The following ARFGEF1 variants were observed in gnomAD, a reference collection of about 807,000 sequenced individuals.
ARFGEF1 encodes the protein brefeldin A-inhibited guanine nucleotide-exchange protein 1.
In ARFGEF1, 42 loss-of-function variants were observed where a neutral mutation model predicts 231.0. That is an observed-to-expected ratio of 0.18 (90% CI 0.14 to 0.24). The LOEUF is 0.24. Among genes scored for constraint, ARFGEF1 ranks in the 10% least tolerant of loss-of-function variants. The probability of loss-of-function intolerance (pLI) is 1.00; values close to 1 mark genes in which losing one functional copy is unlikely to be tolerated. For missense variants in ARFGEF1, 1,345 were observed against 2,192.0 expected, an observed-to-expected ratio of 0.61 and a Z score of 7.72; for synonymous variants, 710 against 732.3, an observed-to-expected ratio of 0.97 and a Z score of 0.49.
chr8:67,258,407 C>T (rs925489071), intron 15 of ARFGEF1, 117 bp from the exon 16 acceptor site: 37 of 679,326 alleles, frequency 5.4e-5, no homozygotes, highest in African/African-American at 1.6e-4. Flanking sequence ...CTCACTGCAA[C>T]CTCTGCCCCC....
At position 67,298,473 on chromosome 8, in the gene ARFGEF1, T is replaced by C. The variant is rs1387627831; in HGVS notation, c.459+736A>G. On this transcript the variant is annotated intron_variant, in intron 4 of 38. Transcript: ENST00000262215. Reference sequence around the variant, plus strand: ...GATATCAGGAGAATTGGCGGATAAGTAGTGTCCACCTGGTAATTTGTGAGT... The same window carrying C: ...GATATCAGGAGAATTGGCGGATAAGCAGTGTCCACCTGGTAATTTGTGAGT... Among the ~76,000 whole-genome samples the C allele has an allele frequency of 2.0e-5, 3 of 152,290 alleles. No individual in the cohort carries two copies. In the South Asian group the frequency reaches 6.2e-4, roughly 32 times the overall value.
intron 9 of ARFGEF1, among the ~76,000 whole-genome samples, chr8:67,272,312 A>AC (rs527773459): frequency 1.3e-5 from 2 of 151,928 alleles, no homozygotes; most frequent in Admixed American, 6.6e-5. Context: ...GACTACAGGC[A>AC]CCCACCACCA....
In ARFGEF1 at chr8:67,236,065, C is replaced by T. The variant is rs141209588; in HGVS notation, c.3289+2278G>A. 9.7e-3 allele frequency among the ~76,000 whole-genome samples: 1,475 copies of T among 151,604 alleles called. 12 individuals carry two copies. Among genetic ancestry groups the T allele is most frequent in the Non-Finnish European group, 0.015 (1,024 of 67,882 alleles). On this transcript the variant is annotated intron_variant, in intron 22 of 38. Transcript: ENST00000262215. Reference sequence around the variant, plus strand: ...ATCCCAGCACTTTGGGACGCCAAGGCGGGCAGATCACATGAGGTCAGGAGT... The same window carrying T: ...ATCCCAGCACTTTGGGACGCCAAGGTGGGCAGATCACATGAGGTCAGGAGT...
At chr8:67,220,207 G>C (rs1474374294) in intron 29 of ARFGEF1, among the ~76,000 whole-genome samples, 2 of 152,190 alleles carry the variant, frequency 1.3e-5, no homozygotes, top group East Asian at 1.9e-4. Flanking sequence ...TGTTAAAACT[G>C]AAACTCAAAA....
intron 1 of ARFGEF1, among the ~76,000 whole-genome samples, chr8:67,331,816 TGTC>T (rs1317164579): frequency 1.3e-5 from 2 of 152,172 alleles, no homozygotes; most frequent in African/African-American, 4.8e-5. Context: ...TTCTCTGTCT[TGTC>T]CTCCTCAGTG....
At chr8:67,287,748 C>A (rs1028763416) in intron 7 of ARFGEF1, among the ~76,000 whole-genome samples, 4 of 152,172 alleles carry the variant, frequency 2.6e-5, no homozygotes, top group Non-Finnish European at 5.9e-5. Context: ...TAGTTCTGGT[C>A]ATTTCATTTC....
downstream of ARFGEF1, chr8:67,197,604 T>C: frequency 1.0e-6 from 1 of 984,100 alleles, no homozygotes; most frequent in Non-Finnish European, 1.2e-6. Context: ...TTTTCCATAG[T>C]TGTTCAGCCT....
At chr8:67,196,407 T>TAATC (rs906661111), downstream of ARFGEF1, 2 of 152,214 alleles carry the variant, frequency 1.3e-5, no homozygotes, top group South Asian at 2.1e-4. Flanking sequence ...GTGAGTTTTC[T>TAATC]AATCACTCAG....
chr8:67,195,903 G>A (rs1837847018), downstream of ARFGEF1: 4 of 253,312 alleles, frequency 1.6e-5, no homozygotes, highest in Non-Finnish European at 3.1e-5. Context: ...AGGTGAATAA[G>A]TGTCTTAAAC....
chr8:67,209,099 A>G (rs1025073175), intron 34 of ARFGEF1, among the ~76,000 whole-genome samples: 11 of 152,256 alleles, frequency 7.2e-5, no homozygotes, highest in African/African-American at 2.7e-4. Flanking sequence ...TAGATAATGC[A>G]AAAGAACTGA....
intron 15 of ARFGEF1, 137 bp from the exon 16 acceptor site, chr8:67,258,427 C>A (rs553114916): frequency 1.2e-5 from 7 of 605,048 alleles, no homozygotes; most frequent in East Asian, 3.0e-5. Context: ...CAGGTTCAAG[C>A]GATTCTCCTG....
At chr8:67,255,194 A>C (rs907892110) in intron 17 of ARFGEF1, among the ~76,000 whole-genome samples, 3 of 152,094 alleles carry the variant, frequency 2.0e-5, no homozygotes, top group Non-Finnish European at 4.4e-5. Flanking sequence ...CCCCAAAATA[A>C]GTGCACTGCT....
intron 5 of ARFGEF1, among the ~76,000 whole-genome samples, chr8:67,176,477 T>A (rs1291662467): frequency 1.3e-5 from 2 of 152,136 alleles, no homozygotes; most frequent in Non-Finnish European, 2.9e-5. Context: ...ACAGAATTTT[T>A]AATAACAGCC....
chr8:67,302,994 T>C (rs916501379), intron 1 of ARFGEF1, among the ~76,000 whole-genome samples: 1 of 149,630 alleles, frequency 6.7e-6, no homozygotes, highest in Non-Finnish European at 1.5e-5. Context: ...GGGCAGGGGG[T>C]TGAGGTGGGA....
In ARFGEF1 at chr8:67,340,000, T is replaced by C. The variant is rs574097939; in HGVS notation, c.124+3164A>G. On this transcript the variant is annotated intron_variant, in intron 1 of 38. Coordinates refer to ENST00000262215, the MANE Select transcript of ARFGEF1 (RefSeq NM_006421.5). ...TTCCCCTAATCTACATGCTGTTTCA[T>C]AAGTTATACTTTTTGACAAAAAAAA... 2.4e-4 allele frequency among the ~76,000 whole-genome samples: 37 copies of C among 151,984 alleles called. No individual in the cohort carries two copies. In the South Asian group the frequency reaches 7.1e-3, roughly 29 times the overall value.
At chr8:67,311,287 G>T (rs1807030448) in intron 1 of ARFGEF1, among the ~76,000 whole-genome samples, 1 of 127,582 alleles carries the variant, frequency 7.8e-6, no homozygotes, top group Non-Finnish European at 1.7e-5. Flanking sequence ...GGAGGGAGGT[G>T]GGGGGGGTCA....
chr8:67,182,723 G>C (rs1833373692), intron 5 of ARFGEF1, among the ~76,000 whole-genome samples: 1 of 152,128 alleles, frequency 6.6e-6, no homozygotes, highest in Non-Finnish European at 1.5e-5. Context: ...TTACATTTCT[G>C]TAATAATTAG....
chr8:67,273,449 G>GC (rs1805186500), intron 9 of ARFGEF1, among the ~76,000 whole-genome samples: 1 of 115,634 alleles, frequency 8.6e-6, no homozygotes, highest in Admixed American at 9.5e-5. Flanking sequence ...AAAAAAAGTA[G>GC]CCCAAATGCT....
chr8:67,202,252 C>T (rs1391740962), intron 36 of ARFGEF1, among the ~76,000 whole-genome samples: 2 of 152,012 alleles, frequency 1.3e-5, no homozygotes, highest in African/African-American at 4.8e-5. Flanking sequence ...AATTATATTT[C>T]TTTCTTTTTT....
Sources: gnomAD v4.1 joint callset for allele counts (sites outside exome capture counted in the v4.1 genomes callset) on GRCh38, gnomAD v4.1.1 for gene constraint, MANE v1.5 for transcripts, NCBI Gene and HGNC (gene_info 2026-07-23, HGNC 2026-07-21) for gene names.